PACRG: variants seen among roughly 807,000 people sequenced by gnomAD.
The protein encoded by PACRG is parkin coregulated, also known as parkin coregulated gene protein.
PACRG carries 29 observed loss-of-function variants against 29.7 expected under a neutral mutation model. The observed-to-expected ratio is 0.98, with a 90% CI of 0.73 to 1.33. The LOEUF is 1.33. Among genes scored for constraint, PACRG ranks in the 40% most tolerant of loss-of-function variants. The probability of loss-of-function intolerance (pLI) is 0.00; values close to 1 mark genes in which losing one functional copy is unlikely to be tolerated. For missense variants in PACRG, 279 were observed against 316.2 expected (o/e 0.88, Z 0.89); for synonymous variants, 116 against 118.7 (o/e 0.98, Z 0.15).
chr6:163,283,507 A>C (rs1784286202), intron 4 of PACRG, among the ~76,000 whole-genome samples: 1 of 152,268 alleles, frequency 6.6e-6, no homozygotes, highest in Admixed American at 6.5e-5. Flanking sequence ...TTTCCAATAA[A>C]AACAAATTTA....
At chr6:163,061,914 G>T (rs1217148294) in intron 2 of PACRG, among the ~76,000 whole-genome samples, 1 of 152,158 alleles carries the variant, frequency 6.6e-6, no homozygotes. Context: ...AATGTGCATT[G>T]TATGTGGATG....
At chr6:163,196,186 A>G (rs1780445852) in intron 4 of PACRG, among the ~76,000 whole-genome samples, 1 of 152,224 alleles carries the variant, frequency 6.6e-6, no homozygotes. Flanking sequence ...GGGAAGTAGA[A>G]CCGTGCCCTG....
intron 2 of PACRG, among the ~76,000 whole-genome samples, chr6:162,888,723 T>C (rs1020503580): frequency 1.3e-5 from 2 of 152,146 alleles, no homozygotes. Context: ...AGCATTTCCA[T>C]AGCAGTCATT....
intron 4 of PACRG, among the ~76,000 whole-genome samples, chr6:163,181,827 G>C (rs189620226): frequency 6.6e-6 from 1 of 152,064 alleles, no homozygotes; most frequent in Non-Finnish European, 1.5e-5. Flanking sequence ...CAGCCAGCTC[G>C]GAATGGAAGG....
At chr6:162,884,608 T>G (rs937006843) in intron 2 of PACRG, among the ~76,000 whole-genome samples, 1 of 152,224 alleles carries the variant, frequency 6.6e-6, no homozygotes, top group Admixed American at 6.5e-5. Flanking sequence ...AACTTATGAC[T>G]ACTTCATGAA....
chr6:162,802,483 A>G (rs1785957706), intron 1 of PACRG, among the ~76,000 whole-genome samples: 2 of 152,196 alleles, frequency 1.3e-5, no homozygotes, highest in Admixed American at 6.5e-5. Context: ...CTGCGGTTCC[A>G]TAAGTGGTTA....
rs546281666 is a variant in PACRG, at chr6:163,163,499, G to A, written c.613+74091G>A. On this transcript the variant is annotated intron_variant, in intron 4 of 4. Coordinates refer to ENST00000366888, the MANE Select transcript of PACRG (RefSeq NM_001080379.2). Reference sequence around the variant, plus strand: ...GTTGGCCAGGCTGGTCTCAAACTCCGGACCTCAGGTGACGCGCCTGCCTCG... The same window carrying A: ...GTTGGCCAGGCTGGTCTCAAACTCCAGACCTCAGGTGACGCGCCTGCCTCG... Among the ~76,000 whole-genome samples, 600 of 152,106 alleles carry A rather than the reference G, an allele frequency of 3.9e-3. 2 individuals carry two copies. The highest frequency in any genetic ancestry group is 0.013 in the African/African-American group (558 of 41,536).
At chr6:162,871,921 AAAAAC>A (rs1792850568) in intron 2 of PACRG, among the ~76,000 whole-genome samples, 1 of 152,132 alleles carries the variant, frequency 6.6e-6, no homozygotes, top group African/African-American at 2.4e-5. Flanking sequence ...CGTCTCAAAA[AAAAAC>A]AAAAACAAAA....
chr6:163,291,168 G>C (rs964632445), intron 4 of PACRG, among the ~76,000 whole-genome samples: 1 of 149,802 alleles, frequency 6.7e-6, no homozygotes, highest in Non-Finnish European at 1.5e-5. Context: ...CACCCTGCAA[G>C]ATGACCCTCT....
intron 2 of PACRG, among the ~76,000 whole-genome samples, chr6:163,046,255 A>G (rs909289981): frequency 1.3e-5 from 2 of 150,846 alleles, no homozygotes; most frequent in Middle Eastern, 3.4e-3. Flanking sequence ...CCCCATCCCA[A>G]TGAAACATTT....
At chr6:163,151,352 A>G (rs1350806239) in intron 4 of PACRG, among the ~76,000 whole-genome samples, 1 of 152,132 alleles carries the variant, frequency 6.6e-6, no homozygotes, top group African/African-American at 2.4e-5. Context: ...AGCAAATTCC[A>G]CAGTGTAGAC....
chr6:162,875,069 AC>A (rs1157566460), intron 2 of PACRG, among the ~76,000 whole-genome samples: 2 of 152,078 alleles, frequency 1.3e-5, no homozygotes, highest in Non-Finnish European at 2.9e-5. Context: ...ATGCATTCAC[AC>A]CCTCACACAT....
intron 4 of PACRG, among the ~76,000 whole-genome samples, chr6:163,298,842 C>T (rs1052075503): frequency 6.1e-4 from 93 of 152,274 alleles, no homozygotes; most frequent in African/African-American, 2.1e-3. Context: ...CTGCACTGCA[C>T]GTTCTTCTCA....
chr6:162,909,839 G>A (rs941081333), intron 2 of PACRG, among the ~76,000 whole-genome samples: 5 of 152,120 alleles, frequency 3.3e-5, no homozygotes, highest in African/African-American at 1.2e-4. Flanking sequence ...CACATGATGG[G>A]GATTGAATGA....
chr6:162,761,546 T>C (rs1782358877), intron 1 of PACRG, among the ~76,000 whole-genome samples: 2 of 152,246 alleles, frequency 1.3e-5, no homozygotes, highest in African/African-American at 4.8e-5. Context: ...TAGAGTCCCA[T>C]GTATTAGATG....
intron 2 of PACRG, among the ~76,000 whole-genome samples, chr6:162,914,119 G>A (rs1249284933): frequency 1.3e-5 from 2 of 151,962 alleles, no homozygotes; most frequent in East Asian, 3.9e-4. Flanking sequence ...CTTTTGGTAT[G>A]CTAATCTAAT....
At chr6:163,118,071 A>T (rs1816096520) in intron 4 of PACRG, among the ~76,000 whole-genome samples, 1 of 152,226 alleles carries the variant, frequency 6.6e-6, no homozygotes, top group Admixed American at 6.5e-5. Flanking sequence ...ATTATGTGGC[A>T]TTATATATAT....
chr6:163,066,711 T>A (rs1811577107), intron 3 of PACRG, among the ~76,000 whole-genome samples: 1 of 151,970 alleles, frequency 6.6e-6, no homozygotes, highest in Admixed American at 6.6e-5. Flanking sequence ...GAATGTAACA[T>A]CCAATAGATC....
intron 4 of PACRG, among the ~76,000 whole-genome samples, chr6:163,231,589 G>C (rs916080788): frequency 1.3e-5 from 2 of 152,158 alleles, no homozygotes; most frequent in African/African-American, 4.8e-5. Context: ...CGCTGAGCCA[G>C]GATGCCTCAG....
Sources: gnomAD v4.1 joint callset for allele counts (sites outside exome capture counted in the v4.1 genomes callset) on GRCh38, gnomAD v4.1.1 for gene constraint, MANE v1.5 for transcripts, NCBI Gene and HGNC (gene_info 2026-07-23, HGNC 2026-07-21) for gene names.